The following EDC3 variants were observed in gnomAD, a reference collection of about 807,000 sequenced individuals.
EDC3 encodes the protein enhancer of mRNA decapping 3, also known as enhancer of mRNA-decapping protein 3.
Under a neutral mutation model 41.8 loss-of-function variants are expected in EDC3, and 20 were observed. The ratio of observed to expected loss-of-function variants is 0.48; its 90% CI spans 0.34 to 0.70. EDC3 has a LOEUF of 0.70. Among genes scored for constraint, EDC3 ranks in the 30% least tolerant of loss-of-function variants. The pLI is 0.01. For missense variants in EDC3, 444 were observed against 636.8 expected, an observed-to-expected ratio of 0.70 and a Z score of 3.26; for synonymous variants, 206 against 243.2, an observed-to-expected ratio of 0.85 and a Z score of 1.42.
rs906186081 is a variant in EDC3, at chr15:74,640,487, G to T, written c.953C>A (p.Thr318Asn). The part of the protein sequence containing the change: ...TGVCASQMAL[T>N]LLGGPNRLNP... ...TTACCTGTTAGGTCCTCCGAGGAGG[G>T]TCAGTGCCATCTGACTGGCACACAC... Residue 318 changes from threonine (T) to asparagine (N), a missense_variant, in exon 5 of 7, where the codon ACC (threonine) becomes AAC (asparagine). By Grantham distance (65) the Thr-to-Asn change is moderately conservative (BLOSUM62 0). Transcript: ENST00000315127. The T allele has an allele frequency of 3.7e-6, 6 of 1,614,040 alleles. No individual in the cohort carries two copies. Among genetic ancestry groups the T allele is most frequent in the Admixed American group, 1.7e-5 (1 of 60,006 alleles).
chr15:74,665,798 C>CT (rs916623879), intron 3 of EDC3, among the ~76,000 whole-genome samples: 2,004 of 137,256 alleles, frequency 0.015, 31 homozygotes, highest in African/African-American at 0.033. Flanking sequence ...TCTTTCTTTC[C>CT]TTTTTTTTTT....
intron 3 of EDC3, among the ~76,000 whole-genome samples, chr15:74,663,201 T>C (rs1482924292): frequency 1.3e-5 from 2 of 152,024 alleles, no homozygotes; most frequent in African/African-American, 4.8e-5. Flanking sequence ...GCAGGAGAAT[T>C]CGCTTGAAGC....
At chr15:74,682,567 G>A (rs143828975) in intron 1 of EDC3, among the ~76,000 whole-genome samples, 4 of 144,182 alleles carry the variant, frequency 2.8e-5, no homozygotes, top group Admixed American at 2.1e-4. Context: ...GCAGTGAGCC[G>A]AGATGGGGCC....
At chr15:74,670,010 A>ATTTTTTTT (rs757043746) in intron 3 of EDC3, among the ~76,000 whole-genome samples, 18 of 116,392 alleles carry the variant, frequency 1.5e-4, no homozygotes, top group African/African-American at 6.0e-4. Flanking sequence ...CGCCCAGCTA[A>ATTTTTTTT]TTTTTTTTTT....
intron 1 of EDC3, among the ~76,000 whole-genome samples, chr15:74,693,689 T>C (rs1459355483): frequency 2.0e-5 from 3 of 152,104 alleles, no homozygotes; most frequent in Non-Finnish European, 4.4e-5. Flanking sequence ...TCAGTTATAG[T>C]AAGACTCAGT....
At chr15:74,675,785 G>A (rs2062799878) in intron 1 of EDC3, among the ~76,000 whole-genome samples, 1 of 151,468 alleles carries the variant, frequency 6.6e-6, no homozygotes, top group African/African-American at 2.4e-5. Flanking sequence ...GGAAGCTGAG[G>A]CAGGAGAATG....
At chr15:74,659,876 C>G (rs1271044070) in intron 3 of EDC3, among the ~76,000 whole-genome samples, 2 of 151,902 alleles carry the variant, frequency 1.3e-5, no homozygotes, top group East Asian at 3.9e-4. Flanking sequence ...GAAACCCCGT[C>G]TCTACTAAAA....
rs907793709 is a variant in EDC3, at chr15:74,635,786, G to C, written c.975-160C>G. ...GGGGACAAAATCCACTGCAGGCCAGGTCTATAGGGTGGCACTCCTGTTGTC... is the reference window on the plus strand; with the variant it reads ...GGGGACAAAATCCACTGCAGGCCAGCTCTATAGGGTGGCACTCCTGTTGTC... On this transcript the variant is annotated intron_variant, in intron 5 of 6. Coordinates refer to ENST00000315127, the MANE Select transcript of EDC3 (RefSeq NM_025083.5). 38 of 661,488 alleles carry C rather than the reference G, an allele frequency of 5.7e-5. No homozygotes were observed. The East Asian group carries it at 7.1e-4, about 12-fold the overall frequency. The allele number at this position is 661,488 out of a possible 1,614,324, so 41.0% of individuals were successfully genotyped here.
intron 2 of EDC3, among the ~76,000 whole-genome samples, chr15:74,673,538 A>G (rs533076232): frequency 1.7e-5 from 1 of 59,004 alleles, no homozygotes; most frequent in East Asian, 5.0e-4. Flanking sequence ...GGACTAAATT[A>G]AAGATTTGAG....
intron 3 of EDC3, among the ~76,000 whole-genome samples, chr15:74,656,406 A>AACACACACACAC (rs143925363): frequency 1.5e-3 from 215 of 145,946 alleles, no homozygotes; most frequent in African/African-American, 2.2e-3. Context: ...TCTGTCTCAA[A>AACACACACACAC]ACACACACAC....
chr15:74,648,595 G>C (rs771403556), intron 4 of EDC3, among the ~76,000 whole-genome samples: 2 of 152,162 alleles, frequency 1.3e-5, no homozygotes, highest in Non-Finnish European at 2.9e-5. Flanking sequence ...TTGGTAAAAG[G>C]TGCTGGAGCT....
chr15:74,684,430 T>A (rs1364819626), intron 1 of EDC3, among the ~76,000 whole-genome samples: 1 of 141,500 alleles, frequency 7.1e-6, no homozygotes, highest in Non-Finnish European at 1.5e-5. Flanking sequence ...CCTCCCAAAG[T>A]GCTAAGATTA....
chr15:74,681,709 A>C (rs1567179917), intron 1 of EDC3, among the ~76,000 whole-genome samples: 1 of 152,238 alleles, frequency 6.6e-6, no homozygotes, highest in Non-Finnish European at 1.5e-5. Flanking sequence ...TCAGCAAAAA[A>C]ATGAACCTCA....
intron 3 of EDC3, among the ~76,000 whole-genome samples, chr15:74,667,050 G>A (rs1385162130): frequency 6.6e-6 from 1 of 152,026 alleles, no homozygotes; most frequent in Non-Finnish European, 1.5e-5. Context: ...CACAGGAATG[G>A]CGATACAAGT....
intron 1 of EDC3, 114 bp downstream of exon 1, chr15:74,695,762 TTGCC>T (rs986754270): frequency 1.3e-5 from 2 of 153,224 alleles, no homozygotes; most frequent in African/African-American, 2.4e-5. Flanking sequence ...CCCCCAGCTC[TTGCC>T]TGCCTGCCTG....
chr15:74,677,358 C>CA, intron 1 of EDC3, among the ~76,000 whole-genome samples: 1 of 137,628 alleles, frequency 7.3e-6, no homozygotes, highest in South Asian at 2.2e-4. Flanking sequence ...CCATGCCCAG[C>CA]CTTTTTTTTT....
Position 74,632,930 on chromosome 15 carries a change from A to G in EDC3, c.1209T>C (p.Pro403=). The change falls in exon 7 of 7, where the codon CCT becomes CCC. Residue 403 remains proline (P), a synonymous_variant. Coordinates refer to ENST00000315127, the MANE Select transcript of EDC3 (RefSeq NM_025083.5). This position sits in a 1 kb window ranked among gnomAD's most constrained non-coding sequence, Gnocchi z 4.0. ...CCAGGCAGTTGATGACCAGGTCCAC[A>G]GGGCTAGTGGGCAGATCTGCAGGTG... ...VSSLKDLPTS[P]VDLVINCLDC... The G allele has an allele frequency of 1.9e-6, 3 of 1,613,932 alleles. No individual in the cohort carries two copies. The highest frequency in any genetic ancestry group is 1.1e-5 in the South Asian group (1 of 91,080).
In EDC3 at chr15:74,671,538, T is replaced by G; in HGVS notation, c.401A>C (p.Gln134Pro). The G allele has an allele frequency of 1.2e-6, 2 of 1,614,202 alleles. No homozygotes were observed. Among genetic ancestry groups the G allele is most frequent in the Non-Finnish European group, 1.7e-6 (2 of 1,180,052 alleles). The change falls in exon 3 of 7, where the codon CAG (glutamine) becomes CCG (proline). Residue 134 changes from glutamine to proline, a missense_variant. Transcript: ENST00000315127. This position sits in a 1 kb window ranked among gnomAD's most constrained non-coding sequence, Gnocchi z 4.6. ...GACATAGCTCTTTGAGCACTGTTGC[T>G]GCTGCGGGGAAACGGCAACATCCTG... ...KSQDVAVSPQ[Q>P]QQCSKSYVDR...
chr15:74,685,042 C>A (rs1027336589), intron 1 of EDC3, among the ~76,000 whole-genome samples: 3 of 152,146 alleles, frequency 2.0e-5, no homozygotes, highest in Non-Finnish European at 4.4e-5. Flanking sequence ...TTCTCCAACA[C>A]CTTAAATCCT....
Sources: allele counts gnomAD v4.1 joint callset (sites outside exome capture counted in the v4.1 genomes callset), GRCh38; gene constraint gnomAD v4.1.1; non-coding constraint Gnocchi (gnomAD v3.1); transcripts MANE v1.5; gene names NCBI Gene and HGNC (gene_info 2026-07-23, HGNC 2026-07-21).